CRIPT: variants seen among roughly 807,000 people sequenced by gnomAD.
The protein encoded by CRIPT is cysteine-rich PDZ-binding protein.
CRIPT carries 20 observed loss-of-function variants against 16.6 expected under a neutral mutation model. That is an observed-to-expected ratio of 1.20 (90% confidence interval 0.85 to 1.75). CRIPT has a LOEUF of 1.75. Among genes scored for constraint, CRIPT ranks in the 40% most tolerant of loss-of-function variants. The pLI is 0.00. For synonymous variants in CRIPT, 42 were observed against 37.0 expected (o/e 1.14, Z -0.49); for missense variants, 133 against 115.3 (o/e 1.15, Z -0.70).
chr2:46,618,086 C>A (rs1670710428), intron 1 of CRIPT, among the ~76,000 whole-genome samples: 1 of 151,190 alleles, frequency 6.6e-6, no homozygotes, highest in Admixed American at 6.6e-5. Flanking sequence ...ATATCCAAAT[C>A]CTCTGTCTTG....
rs1671023970 is a variant in CRIPT, at chr2:46,629,648, T to C, written c.*5421T>C. On this transcript the variant is annotated 3_prime_UTR_variant, in exon 5 of 5. Transcript: ENST00000238892. ...TTAGATTGGGGTAGTGCAGTGAGGG[T>C]TGAAATGCTGTAAGTGATATGTATT... 1.3e-5 allele frequency among the ~76,000 whole-genome samples: 2 copies of C among 152,186 alleles called. No individual in the cohort carries two copies. The highest frequency in any genetic ancestry group is 4.1e-4 in the South Asian group (2 of 4,820).
Position 46,627,957 on chromosome 2 carries a change from G to C in CRIPT, c.*3730G>C, listed in dbSNP as rs1261506527. Among the ~76,000 whole-genome samples, 4 of 151,970 alleles carry C rather than the reference G, an allele frequency of 2.6e-5. No individual in the cohort carries two copies. Among genetic ancestry groups the C allele is most frequent in the African/African-American group, 9.7e-5 (4 of 41,364 alleles). On this transcript the variant is annotated 3_prime_UTR_variant, in exon 5 of 5. Transcript: ENST00000238892. ...TATTTCTGTCTGTTCCATTCCATTG[G>C]TCTATGGGTCTGTTTTTATATCTGT...
chr2:46,623,099 A>T (rs1670850592), intron 3 of CRIPT, among the ~76,000 whole-genome samples: 2 of 152,196 alleles, frequency 1.3e-5, no homozygotes, highest in Admixed American at 6.5e-5. Flanking sequence ...TCAGTTAATT[A>T]AAAATGTCAG....
chr2:46,618,146 C>A (rs1670711826), intron 1 of CRIPT, among the ~76,000 whole-genome samples: 2 of 151,628 alleles, frequency 1.3e-5, no homozygotes, highest in Admixed American at 6.6e-5. Context: ...AGGGTTATTT[C>A]TTCCTGCATG....
At chr2:46,620,613 A>T (rs1175790670) in intron 3 of CRIPT, among the ~76,000 whole-genome samples, 5 of 151,278 alleles carry the variant, frequency 3.3e-5, no homozygotes, top group Non-Finnish European at 7.4e-5. Context: ...CAGCCCTGAA[A>T]CTGTTCTTGT....
chr2:46,629,865 C>A lies in CRIPT; in HGVS notation c.*5638C>A, dbSNP rs934521912. Among the ~76,000 whole-genome samples, 6 of 152,172 alleles carry A rather than the reference C, an allele frequency of 3.9e-5. No individual in the cohort carries two copies. The highest frequency in any genetic ancestry group is 5.9e-5 in the Non-Finnish European group (4 of 68,036). On this transcript the variant is annotated 3_prime_UTR_variant, in exon 5 of 5. Coordinates refer to ENST00000238892, the MANE Select transcript of CRIPT (RefSeq NM_014171.6). Reference sequence around the variant, plus strand: ...TCTGTTCCTCATCAAATCTACCCCTCCTAGGTTTAGCATCCTTTGACGATT... The same window carrying A: ...TCTGTTCCTCATCAAATCTACCCCTACTAGGTTTAGCATCCTTTGACGATT...
rs1670970516 is a variant in CRIPT at position 46,627,587 on chromosome 2, G to GGA, written c.*3361_*3362insAG. Among the ~76,000 whole-genome samples, 2 of 151,980 alleles carry GGA rather than the reference G, an allele frequency of 1.3e-5. No individual in the cohort carries two copies. The highest frequency in any genetic ancestry group is 4.8e-5 in the African/African-American group (2 of 41,364). On this transcript the variant is annotated 3_prime_UTR_variant, in exon 5 of 5. Transcript: ENST00000238892. ...GCCTCCCAACCTAACTGGGATTACA[G>GGA]GCACATGCCACCACGCCTGGCTAAT...
rs1417769387 is a variant in CRIPT at position 46,624,517 on chromosome 2, C to T, written c.*290C>T. Reference sequence around the variant, plus strand: ...TATTTAACATTATTCATATAATTCTCCCCCCACCACTTTATTTATAGATAC... The same window carrying T: ...TATTTAACATTATTCATATAATTCTTCCCCCACCACTTTATTTATAGATAC... On this transcript the variant is annotated 3_prime_UTR_variant, in exon 5 of 5. Transcript: ENST00000238892. 1.5e-5 allele frequency: 3 copies of T among 206,778 alleles called. No individual in the cohort carries two copies. The highest frequency in any genetic ancestry group is 2.3e-5 in the African/African-American group (1 of 43,548). 12.8% of individuals were successfully genotyped at this position (206,778 alleles called of 1,614,324 possible).
Position 46,623,850 on chromosome 2 carries a change from G to A in CRIPT, c.224G>A (p.Gly75Asp). 6.2e-7 allele frequency: 1 copy of A among 1,604,734 alleles called. No individual in the cohort carries two copies. The change falls in exon 4 of 5, where the codon GGC (glycine) becomes GAC (aspartate). Residue 75 changes from glycine to aspartate, a missense_variant. Coordinates refer to ENST00000238892, the MANE Select transcript of CRIPT (RefSeq NM_014171.6). ...VHQPGSHYCQGCAYKKGICAM... is the reference protein window; with the variant it reads ...VHQPGSHYCQDCAYKKGICAM... ...CAACCAGGTTCTCATTACTGCCAGG[G>A]CTGTGCCTACAAAAAAGGTAAGTTT...
chr2:46,623,266 G>C (rs1670853951), intron 3 of CRIPT, among the ~76,000 whole-genome samples: 2 of 152,172 alleles, frequency 1.3e-5, no homozygotes, highest in African/African-American at 4.8e-5. Context: ...ATCACAATCA[G>C]AATATGTTCA....
intron 3 of CRIPT, among the ~76,000 whole-genome samples, chr2:46,622,427 T>C (rs529145006): frequency 6.6e-6 from 1 of 151,204 alleles, no homozygotes; most frequent in East Asian, 1.9e-4. Flanking sequence ...TAATAAAATA[T>C]GGTTTTAAGA....
In CRIPT at chr2:46,624,954, G is replaced by C. The variant is rs888704995; in HGVS notation, c.*727G>C. On this transcript the variant is annotated 3_prime_UTR_variant, in exon 5 of 5. Transcript: ENST00000238892. ...TAATGAAAATAAATCCCTGCTCTGA[G>C]AAAAGCTCTTTGAAGCAAAAACCAA... The C allele has an allele frequency of 7.0e-6, 1 of 143,604 alleles. No individual in the cohort carries two copies. Among genetic ancestry groups the C allele is most frequent in the African/African-American group, 2.6e-5 (1 of 37,886 alleles). 8.9% of individuals were successfully genotyped at this position (143,604 alleles called of 1,614,324 possible). A position where few individuals can be genotyped will look rare whatever the true frequency, so the allele number is the denominator to read the frequency against.
In CRIPT at chr2:46,627,974, T is replaced by A. The variant is rs1342984307; in HGVS notation, c.*3747T>A. 6.6e-6 allele frequency among the ~76,000 whole-genome samples: 1 copy of A among 152,200 alleles called. No individual in the cohort carries two copies. Among genetic ancestry groups the A allele is most frequent in the Admixed American group, 6.5e-5 (1 of 15,280 alleles). ...TTCCATTGGTCTATGGGTCTGTTTT[T>A]ATATCTGTACCATGCTGTTTTGGTT... On this transcript the variant is annotated 3_prime_UTR_variant, in exon 5 of 5. Coordinates refer to ENST00000238892, the MANE Select transcript of CRIPT (RefSeq NM_014171.6).
rs189677300 is a variant in CRIPT at position 46,626,167 on chromosome 2, A to G, written c.*1940A>G. 6.6e-5 allele frequency among the ~76,000 whole-genome samples: 10 copies of G among 152,092 alleles called. No homozygotes were observed. In the East Asian group the frequency reaches 1.9e-3, roughly 29 times the overall value. On this transcript the variant is annotated 3_prime_UTR_variant, in exon 5 of 5. Coordinates refer to ENST00000238892, the MANE Select transcript of CRIPT (RefSeq NM_014171.6). ...CATGTGTACCCATTGCTTAGTTCCC[A>G]CTGATAAGTGAGAACATGCGGTCTT...
At chr2:46,618,872 G>T (rs368976360) in intron 2 of CRIPT, 34 bp downstream of exon 2, 6 of 1,283,846 alleles carry the variant, frequency 4.7e-6, no homozygotes, top group South Asian at 1.2e-5. Context: ...GAATTTAACC[G>T]AATACTTACT....
At chr2:46,622,647 C>G (rs1475191657) in intron 3 of CRIPT, among the ~76,000 whole-genome samples, 1 of 151,878 alleles carries the variant, frequency 6.6e-6, no homozygotes, top group Non-Finnish European at 1.5e-5. Flanking sequence ...AACCCCATCT[C>G]TACTAAAAAT....
rs1230599932 is a variant in CRIPT, at chr2:46,627,741, G to A, written c.*3514G>A. Among the ~76,000 whole-genome samples, 1 of 152,032 alleles carries A rather than the reference G, an allele frequency of 6.6e-6. No individual in the cohort carries two copies. Among genetic ancestry groups the A allele is most frequent in the Non-Finnish European group, 1.5e-5 (1 of 68,012 alleles). On this transcript the variant is annotated 3_prime_UTR_variant, in exon 5 of 5. Coordinates refer to ENST00000238892, the MANE Select transcript of CRIPT (RefSeq NM_014171.6). ...ATTACAGGCATGAGCCACTGCACCCGGCCCCTTATATTTAAATCTTTAATC... is the reference window on the plus strand; with the variant it reads ...ATTACAGGCATGAGCCACTGCACCCAGCCCCTTATATTTAAATCTTTAATC...
rs1048787793 is a variant in CRIPT at position 46,625,487 on chromosome 2, G to A, written c.*1260G>A. 4.1e-5 allele frequency: 6 copies of A among 148,032 alleles called. No homozygotes were observed. The highest frequency in any genetic ancestry group is 2.1e-4 in the Admixed American group (3 of 14,520). The allele number at this position is 148,032 out of a possible 1,614,324, so 9.2% of individuals were successfully genotyped here. A position where few individuals can be genotyped will look rare whatever the true frequency, so the allele number is the denominator to read the frequency against. ...CTGCTTTTAAAACCTGCAGCCTACC[G>A]TGGGAAACCAAAAAAGCATTCCCTA... On this transcript the variant is annotated 3_prime_UTR_variant, in exon 5 of 5. Coordinates refer to ENST00000238892, the MANE Select transcript of CRIPT (RefSeq NM_014171.6).
At chr2:46,619,384 T>A (rs1670750191) in intron 2 of CRIPT, among the ~76,000 whole-genome samples, 1 of 151,906 alleles carries the variant, frequency 6.6e-6, no homozygotes, top group Non-Finnish European at 1.5e-5. Context: ...AGAGTAAATA[T>A]AGACCCATTC....
Sources: gnomAD v4.1 joint callset for allele counts (sites outside exome capture counted in the v4.1 genomes callset) on GRCh38, gnomAD v4.1.1 for gene constraint, MANE v1.5 for transcripts, NCBI Gene and HGNC (gene_info 2026-07-23, HGNC 2026-07-21) for gene names.